NALCN: variants seen among roughly 807,000 people sequenced by gnomAD.
NALCN encodes sodium leak channel NALCN.
A neutral mutation model predicts 225.3 loss-of-function variants in NALCN; 111 were observed. The ratio of observed to expected loss-of-function variants is 0.49; its 90% CI spans 0.42 to 0.58. The LOEUF is 0.58. Ranked by LOEUF, NALCN falls within the 20% of genes least tolerant of loss-of-function variation. The pLI, the probability that NALCN is intolerant of heterozygous loss-of-function variation, is 0.00. For synonymous variants in NALCN, 764 were observed against 769.0 expected, an observed-to-expected ratio of 0.99 and a Z score of 0.11; for missense variants, 1,378 against 2,202.4, an observed-to-expected ratio of 0.63 and a Z score of 7.49.
At chr13:101,332,091 C>A (rs1271234709) in intron 7 of NALCN, among the ~76,000 whole-genome samples, 2 of 151,992 alleles carry the variant, frequency 1.3e-5, no homozygotes, top group African/African-American at 4.8e-5. Flanking sequence ...AGTTAGAAAG[C>A]ACGATTTAAA....
intron 7 of NALCN, among the ~76,000 whole-genome samples, chr13:101,306,208 A>G (rs999344510): frequency 3.3e-5 from 5 of 152,136 alleles, no homozygotes; most frequent in Non-Finnish European, 5.9e-5. Context: ...CTGACTAAGG[A>G]TGCCCCAGGC....
intron 17 of NALCN, among the ~76,000 whole-genome samples, chr13:101,141,864 A>G (rs1423297739): frequency 6.6e-6 from 1 of 152,174 alleles, no homozygotes; most frequent in Non-Finnish European, 1.5e-5. Context: ...GGGCAGTAAC[A>G]ATGTAAAGGA....
At position 101,259,980 on chromosome 13, in the gene NALCN, A is replaced by ATT. The variant is rs56227223; in HGVS notation, c.1135-1408_1135-1407dup. Among the ~76,000 whole-genome samples the ATT allele has an allele frequency of 4.4e-3, 663 of 150,802 alleles. 3 individuals carry two copies. The highest frequency in any genetic ancestry group is 0.024 in the Middle Eastern group (7 of 294). ...ATAGTAGGTCTTATCTATTCTTTCT[A>ATT]TTTTTTTTGTTCCCATTAACCATCC... On this transcript the variant is annotated intron_variant, in intron 10 of 43. Transcript: ENST00000251127.
chr13:101,353,224 T>C (rs1217287372), intron 6 of NALCN, among the ~76,000 whole-genome samples: 1 of 152,192 alleles, frequency 6.6e-6, no homozygotes, highest in East Asian at 1.9e-4. Flanking sequence ...ATACCTTACG[T>C]GGTGCTTGTC....
chr13:101,106,623 G>C (rs1235060399), intron 22 of NALCN, among the ~76,000 whole-genome samples: 4 of 152,090 alleles, frequency 2.6e-5, no homozygotes, highest in Admixed American at 2.6e-4. Flanking sequence ...TTGAATCATG[G>C]GGGCGGTTCC....
At chr13:101,068,576 A>T in intron 38 of NALCN, 119 bp downstream of exon 38, 1 of 1,091,700 alleles carries the variant, frequency 9.2e-7, no homozygotes. Context: ...ACAACAATTT[A>T]TAATTAATGC....
intron 10 of NALCN, among the ~76,000 whole-genome samples, chr13:101,263,601 TG>T (rs1566502573): frequency 6.6e-6 from 1 of 152,206 alleles, no homozygotes; most frequent in Non-Finnish European, 1.5e-5. Flanking sequence ...ACTTTTAAAT[TG>T]GTTTTGTAAC....
At chr13:101,152,240 T>C (rs1402395985) in intron 15 of NALCN, among the ~76,000 whole-genome samples, 1 of 152,178 alleles carries the variant, frequency 6.6e-6, no homozygotes, top group African/African-American at 2.4e-5. Context: ...CATTAGCTGA[T>C]TAACTGCATG....
At chr13:101,279,045 C>A (rs2043059407) in intron 10 of NALCN, among the ~76,000 whole-genome samples, 1 of 152,150 alleles carries the variant, frequency 6.6e-6, no homozygotes, top group African/African-American at 2.4e-5. Flanking sequence ...AGCACAGTTG[C>A]AGAAGTGACC....
intron 1 of NALCN, among the ~76,000 whole-genome samples, chr13:101,408,894 C>T (rs910521191): frequency 6.6e-6 from 1 of 152,150 alleles, no homozygotes; most frequent in African/African-American, 2.4e-5. Context: ...CAAAAACAGA[C>T]TCTTCTGTTT....
At position 101,177,979 on chromosome 13, in the gene NALCN, C is replaced by G. The variant is rs765363596; in HGVS notation, c.1765-1605G>C. On this transcript the variant is annotated intron_variant, in intron 14 of 43. Coordinates refer to ENST00000251127, the MANE Select transcript of NALCN (RefSeq NM_052867.4). ...CATGCCCTTTGGAGTCTTACCATAA[C>G]TTGAAGAAGATACAGAATGATCTAG... Among the ~76,000 whole-genome samples, 239 of 152,290 alleles carry G rather than the reference C, an allele frequency of 1.6e-3. 2 individuals are homozygous for G. The highest frequency in any genetic ancestry group is 5.8e-4 in the East Asian group (3 of 5,186).
chr13:101,099,840 G>A (rs929946046), intron 27 of NALCN, among the ~76,000 whole-genome samples: 2 of 152,120 alleles, frequency 1.3e-5, no homozygotes, highest in African/African-American at 4.8e-5. Flanking sequence ...CATGGCAAAG[G>A]GTGGCGGCAT....
chr13:101,396,816 T>C (rs1355101309), intron 2 of NALCN, among the ~76,000 whole-genome samples: 2 of 151,956 alleles, frequency 1.3e-5, no homozygotes, highest in Non-Finnish European at 2.9e-5. Context: ...TGAAGAATTA[T>C]TAATTTTAGT....
At chr13:101,114,425 TTCTCTCTCTCTCTCTC>T (rs10538126) in intron 18 of NALCN, among the ~76,000 whole-genome samples, 2 of 147,452 alleles carry the variant, frequency 1.4e-5, no homozygotes, top group African/African-American at 5.0e-5. Flanking sequence ...AGCATATTCA[TTCTCTCTCTCTCTCTC>T]TCTCTCTCTC....
At chr13:101,137,959 C>A (rs1011504139) in intron 17 of NALCN, among the ~76,000 whole-genome samples, 6 of 152,308 alleles carry the variant, frequency 3.9e-5, no homozygotes, top group African/African-American at 1.2e-4. Context: ...TTGGAACCTG[C>A]ACCACTTAAT....
intron 10 of NALCN, among the ~76,000 whole-genome samples, chr13:101,272,067 G>A (rs1477412836): frequency 1.3e-5 from 2 of 152,036 alleles, no homozygotes; most frequent in Middle Eastern, 3.4e-3. Flanking sequence ...GCATGTATAA[G>A]TGTGTAGGCA....
chr13:101,277,953 C>T (rs2043019058), intron 10 of NALCN, among the ~76,000 whole-genome samples: 1 of 152,186 alleles, frequency 6.6e-6, no homozygotes, highest in East Asian at 1.9e-4. Context: ...CTCTTTATTG[C>T]CAGATCATTC....
intron 1 of NALCN, among the ~76,000 whole-genome samples, chr13:101,406,559 G>T (rs1000497596): frequency 1.3e-5 from 2 of 152,088 alleles, no homozygotes; most frequent in African/African-American, 4.8e-5. Flanking sequence ...ATTATTTTTT[G>T]TGCAAATAGT....
chr13:101,089,790 C>A lies in NALCN; in HGVS notation c.3391-29G>T. The A allele has an allele frequency of 6.2e-7, 1 of 1,613,828 alleles. No homozygotes were observed. Among genetic ancestry groups the A allele is most frequent in the Non-Finnish European group, 8.5e-7 (1 of 1,179,866 alleles). On this transcript the variant is annotated intron_variant, in intron 29 of 43. Coordinates refer to ENST00000251127, the MANE Select transcript of NALCN (RefSeq NM_052867.4). The surrounding 1 kb of genome is among the most constrained non-coding windows in gnomAD (Gnocchi z 4.7). ...CATAAAGGAAAATATGGTTATTCAT[C>A]AAAACAAATGAAAGCTGCTCTTGAA...
Sources: allele counts gnomAD v4.1 joint callset (sites outside exome capture counted in the v4.1 genomes callset), GRCh38; gene constraint gnomAD v4.1.1; non-coding constraint Gnocchi (gnomAD v3.1); transcripts MANE v1.5; gene names NCBI Gene and HGNC (gene_info 2026-07-23, HGNC 2026-07-21).